CTNNA3: variants seen among roughly 807,000 people sequenced by gnomAD.
CTNNA3 encodes catenin alpha 3, also known as catenin alpha-3.
CTNNA3 carries 76 observed loss-of-function variants against 95.7 expected under a neutral mutation model. The ratio of observed to expected loss-of-function variants is 0.79; its 90% CI spans 0.66 to 0.96. CTNNA3 has a LOEUF of 0.96. Among genes scored for constraint, CTNNA3 ranks in the 40% least tolerant of loss-of-function variants. The probability of loss-of-function intolerance (pLI) is 0.00; values close to 1 mark genes in which losing one functional copy is unlikely to be tolerated. For synonymous variants in CTNNA3, 431 were observed against 374.4 expected (o/e 1.15, Z -1.74); for missense variants, 1,191 against 1,089.8 (o/e 1.09, Z -1.31).
At chr10:66,320,827 G>A (rs973114520) in intron 12 of CTNNA3, among the ~76,000 whole-genome samples, 8 of 152,072 alleles carry the variant, frequency 5.3e-5, no homozygotes, top group African/African-American at 1.9e-4. Context: ...ATAAAGAACA[G>A]TAATGCAAAT....
At chr10:66,106,588 G>T (rs1053182766) in intron 13 of CTNNA3, among the ~76,000 whole-genome samples, 2 of 152,008 alleles carry the variant, frequency 1.3e-5, no homozygotes, top group African/African-American at 4.8e-5. Flanking sequence ...TTGTTGTGAG[G>T]CTCAGTTACA....
chr10:66,754,582 CACA>C, intron 9 of CTNNA3, among the ~76,000 whole-genome samples: 1 of 151,974 alleles, frequency 6.6e-6, no homozygotes, highest in East Asian at 1.9e-4. Context: ...AAAGAGAACC[CACA>C]GCATGGAAGA....
At chr10:66,399,509 A>G (rs928604508) in intron 11 of CTNNA3, among the ~76,000 whole-genome samples, 4 of 151,956 alleles carry the variant, frequency 2.6e-5, no homozygotes, top group African/African-American at 7.2e-5. Context: ...ATTCTGTGGT[A>G]TATGCGTGTG....
At chr10:67,726,464 TGATATAATATTA>T (rs1841222868) in intron 1 of CTNNA3, among the ~76,000 whole-genome samples, 1 of 41,272 alleles carries the variant, frequency 2.4e-5, no homozygotes, top group Non-Finnish European at 4.3e-5. Flanking sequence ...ATATGATATA[TGATATAATATTA>T]TATATTATAT....
At chr10:66,439,893 T>C (rs995248162) in intron 11 of CTNNA3, among the ~76,000 whole-genome samples, 1 of 152,046 alleles carries the variant, frequency 6.6e-6, no homozygotes, top group African/African-American at 2.4e-5. Flanking sequence ...TCAAAGAAAA[T>C]CTGTATTACA....
At chr10:66,522,973 C>A (rs116644668) in intron 10 of CTNNA3, among the ~76,000 whole-genome samples, 15 of 151,936 alleles carry the variant, frequency 9.9e-5, no homozygotes, top group Non-Finnish European at 2.1e-4. Flanking sequence ...AGGTAGAAGA[C>A]GGAAAAAATT....
intron 11 of CTNNA3, among the ~76,000 whole-genome samples, chr10:66,432,524 G>T (rs374203181): frequency 6.6e-6 from 1 of 152,022 alleles, no homozygotes; most frequent in African/African-American, 2.4e-5. Flanking sequence ...CGGGCGTAGT[G>T]GTGGCAGGTG....
chr10:66,602,890 C>A (rs988281469), intron 10 of CTNNA3, among the ~76,000 whole-genome samples: 2 of 152,018 alleles, frequency 1.3e-5, no homozygotes, highest in Non-Finnish European at 2.9e-5. Context: ...TGATAAAATT[C>A]CATATCCCTT....
chr10:67,553,321 T>C (rs1841101424), intron 3 of CTNNA3, among the ~76,000 whole-genome samples: 1 of 152,142 alleles, frequency 6.6e-6, no homozygotes, highest in African/African-American at 2.4e-5. Flanking sequence ...TTTACCTAGG[T>C]TTATACATAC....
chr10:66,252,773 A>T (rs1433871973), intron 13 of CTNNA3, among the ~76,000 whole-genome samples: 1 of 152,204 alleles, frequency 6.6e-6, no homozygotes, highest in African/African-American at 2.4e-5. Flanking sequence ...ATAATTTGAA[A>T]AGGAACCATC....
chr10:66,769,624 C>T (rs901035520), intron 8 of CTNNA3, among the ~76,000 whole-genome samples: 9 of 152,164 alleles, frequency 5.9e-5, no homozygotes, highest in African/African-American at 2.2e-4. Flanking sequence ...TATCTCAGGG[C>T]CTGTTCCAAG....
intron 7 of CTNNA3, among the ~76,000 whole-genome samples, chr10:67,074,589 A>T (rs1856652473): frequency 6.6e-6 from 1 of 151,688 alleles, no homozygotes; most frequent in South Asian, 2.1e-4. Context: ...TGACCTTGTA[A>T]TCCACCCACC....
At chr10:67,036,345 C>G (rs1478339435) in intron 7 of CTNNA3, among the ~76,000 whole-genome samples, 1 of 151,696 alleles carries the variant, frequency 6.6e-6, no homozygotes, top group Non-Finnish European at 1.5e-5. Flanking sequence ...TCTCGGCTCA[C>G]TGCAATCTCT....
chr10:66,156,782 A>G (rs2084529624), intron 13 of CTNNA3, among the ~76,000 whole-genome samples: 1 of 151,924 alleles, frequency 6.6e-6, no homozygotes, highest in Non-Finnish European at 1.5e-5. Context: ...GAGTTCCAAC[A>G]TAGTGGGAAG....
intron 7 of CTNNA3, among the ~76,000 whole-genome samples, chr10:66,808,049 A>C (rs946803793): frequency 5.9e-5 from 9 of 152,106 alleles, no homozygotes; most frequent in African/African-American, 1.7e-4. Context: ...CTTTTGAAGT[A>C]TATTAAATAT....
intron 10 of CTNNA3, among the ~76,000 whole-genome samples, chr10:66,578,775 T>C (rs1218479716): frequency 1.0e-5 from 1 of 98,820 alleles, no homozygotes; most frequent in Non-Finnish European, 2.1e-5. Flanking sequence ...TGGCCTGATA[T>C]TTTTCTTTCT....
In CTNNA3 at chr10:66,621,793, C is replaced by A; in HGVS notation, c.1282-9G>T. 6.4e-7 allele frequency: 1 copy of A among 1,566,738 alleles called. No individual in the cohort carries two copies. Among genetic ancestry groups the A allele is most frequent in the Admixed American group, 1.8e-5 (1 of 56,906 alleles). ...CAAGCAAGATTTGCCACCTTAAATA[C>A]AATCCAAAATAATGGAAATTATTTT... On this transcript the variant is annotated splice_polypyrimidine_tract_variant and intron_variant, in intron 9 of 17. Transcript: ENST00000433211.
chr10:67,446,270 C>T (rs1443297644), intron 5 of CTNNA3, among the ~76,000 whole-genome samples: 3 of 152,120 alleles, frequency 2.0e-5, no homozygotes, highest in African/African-American at 7.2e-5. Flanking sequence ...TCCTACACTC[C>T]CACCCCTACT....
chr10:67,587,789 A>C (rs1039352126), intron 3 of CTNNA3, among the ~76,000 whole-genome samples: 2 of 152,146 alleles, frequency 1.3e-5, no homozygotes, highest in African/African-American at 4.8e-5. Flanking sequence ...TATTTCATTA[A>C]ATGGGCTTTC....
Sources: gnomAD v4.1 joint callset for allele counts (sites outside exome capture counted in the v4.1 genomes callset) on GRCh38, gnomAD v4.1.1 for gene constraint, MANE v1.5 for transcripts, NCBI Gene and HGNC (gene_info 2026-07-23, HGNC 2026-07-21) for gene names.